Variants in CEP63 observed in about 807,000 individuals in gnomAD.
The protein encoded by CEP63 is centrosomal protein of 63 kDa.
CEP63 carries 84 observed loss-of-function variants against 89.1 expected under a neutral mutation model. The ratio of observed to expected loss-of-function variants is 0.94; its 90% CI spans 0.79 to 1.13. The LOEUF (loss-of-function observed/expected upper bound fraction) is 1.13. Among genes scored for constraint, CEP63 ranks in the 50% most tolerant of loss-of-function variants. CEP63 has a pLI of 0.00. For synonymous variants in CEP63, 267 were observed against 272.5 expected (o/e 0.98, Z 0.20); for missense variants, 838 against 813.3 (o/e 1.03, Z -0.37).
At chr3:134,514,047 AC>A (rs1163550924) in intron 3 of CEP63, among the ~76,000 whole-genome samples, 2 of 152,146 alleles carry the variant, frequency 1.3e-5, no homozygotes, top group Non-Finnish European at 2.9e-5. Context: ...ATAGAAATAG[AC>A]CCATGATAAA....
At chr3:134,546,699 A>G (rs1252819311) in intron 8 of CEP63, among the ~76,000 whole-genome samples, 1 of 152,172 alleles carries the variant, frequency 6.6e-6, no homozygotes, top group Non-Finnish European at 1.5e-5. Context: ...TTTATGTTTG[A>G]TCATATTGTG....
chr3:134,521,453 T>G (rs1234500081), intron 3 of CEP63, among the ~76,000 whole-genome samples: 1 of 152,102 alleles, frequency 6.6e-6, no homozygotes, highest in Non-Finnish European at 1.5e-5. Flanking sequence ...TGTTCCCCCG[T>G]TGGGCCTGGA....
chr3:134,777,721 C>T, the CEP63 span, among the ~76,000 whole-genome samples: 1 of 147,984 alleles, frequency 6.8e-6, no homozygotes, highest in Non-Finnish European at 1.5e-5. Context: ...TCAAGCAATT[C>T]TCCTGCCTCA....
At chr3:134,736,645 A>G in the CEP63 span, among the ~76,000 whole-genome samples, 1 of 152,202 alleles carries the variant, frequency 6.6e-6, no homozygotes, top group African/African-American at 2.4e-5. Context: ...AACTTTATTC[A>G]AAAACATTGA....
At chr3:134,603,024 G>A in the CEP63 span, 1 of 152,276 alleles carries the variant, frequency 6.6e-6, no homozygotes, top group Non-Finnish European at 1.5e-5. Flanking sequence ...AGCTAATGAA[G>A]AGGCAGCAGG....
the CEP63 span, chr3:134,780,494 G>A: frequency 6.6e-6 from 1 of 152,184 alleles, no homozygotes; most frequent in Non-Finnish European, 1.5e-5. Context: ...TGTAAGTGGA[G>A]ACATACAGCC....
chr3:134,621,879 A>C, the CEP63 span, among the ~76,000 whole-genome samples: 1 of 152,216 alleles, frequency 6.6e-6, no homozygotes. Context: ...AAACAAAACC[A>C]ACCCAATTCA....
Position 134,545,218 on chromosome 3 carries a change from C to T in CEP63, c.556-368C>T, listed in dbSNP as rs148601387. On this transcript the variant is annotated intron_variant, in intron 6 of 14. Transcript: ENST00000675561. The stretch of plus-strand genomic sequence containing the variant: ...TTCACCATGTTGGCAAGGATGGTCT[C>T]AATCTCCTGACCTCATGATCCGCCC... 4.6e-3 allele frequency among the ~76,000 whole-genome samples: 694 copies of T among 152,182 alleles called. 2 individuals are homozygous for T. Among genetic ancestry groups the T allele is most frequent in the African/African-American group, 0.016 (668 of 41,528 alleles).
intron 11 of CEP63, among the ~76,000 whole-genome samples, chr3:134,550,543 G>T (rs188145271): frequency 6.6e-6 from 1 of 152,242 alleles, no homozygotes; most frequent in East Asian, 1.9e-4. Flanking sequence ...CAGAAGGTGT[G>T]ATAGCAAAGC....
At chr3:134,671,218 G>A in the CEP63 span, among the ~76,000 whole-genome samples, 3 of 152,096 alleles carry the variant, frequency 2.0e-5, no homozygotes, top group African/African-American at 4.8e-5. Flanking sequence ...ATTATCCTAC[G>A]CGATCTAACT....
At chr3:134,707,949 G>T in the CEP63 span, among the ~76,000 whole-genome samples, 1 of 152,050 alleles carries the variant, frequency 6.6e-6, no homozygotes, top group African/African-American at 2.4e-5. Context: ...ATCCTCAAGG[G>T]CTCACGGTCT....
chr3:134,489,526 T>C (rs1163372923), intron 1 of CEP63, among the ~76,000 whole-genome samples: 1 of 152,042 alleles, frequency 6.6e-6, no homozygotes, highest in Non-Finnish European at 1.5e-5. Flanking sequence ...CATCCACCCA[T>C]AGTGAAATTC....
chr3:134,635,119 A>G, the CEP63 span, among the ~76,000 whole-genome samples: 1 of 152,246 alleles, frequency 6.6e-6, no homozygotes, highest in South Asian at 2.1e-4. Flanking sequence ...TAGCAGCTCT[A>G]TTCATAATCA....
chr3:134,574,998 T>C (rs1958163987), exon 12 of CEP63: 1 of 405,410 alleles, frequency 2.5e-6, no homozygotes, highest in African/African-American at 2.1e-5. Flanking sequence ...CAAATAAATA[T>C]TGTAAAGAAA....
chr3:134,608,241 A>G, the CEP63 span: 341 of 1,191,696 alleles, frequency 2.9e-4, no homozygotes, highest in Non-Finnish European at 3.3e-4. Flanking sequence ...CCCAGAGGCT[A>G]TGTGTAGCCA....
the CEP63 span, among the ~76,000 whole-genome samples, chr3:134,776,131 A>G: frequency 6.6e-6 from 1 of 152,330 alleles, no homozygotes; most frequent in Non-Finnish European, 1.5e-5. Context: ...GATACCATGC[A>G]CCGCAACCCA....
chr3:134,500,343 T>A (rs1941581540), intron 2 of CEP63, among the ~76,000 whole-genome samples: 1 of 152,212 alleles, frequency 6.6e-6, no homozygotes, highest in Admixed American at 6.5e-5. Flanking sequence ...CAGTCCACCA[T>A]CAATGGGTAC....
At chr3:134,553,462 A>G (rs187411677) in intron 12 of CEP63, 1 of 152,314 alleles carries the variant, frequency 6.6e-6, no homozygotes, top group Admixed American at 6.5e-5. Context: ...AAAATTCCCT[A>G]CAAAGATAAT....
the CEP63 span, chr3:134,779,904 C>T: frequency 6.6e-6 from 1 of 152,160 alleles, no homozygotes; most frequent in Non-Finnish European, 1.5e-5. Context: ...ACCTTTAAGC[C>T]ATTTATTGTT....
Sources: gnomAD v4.1 joint callset for allele counts (sites outside exome capture counted in the v4.1 genomes callset) on GRCh38, gnomAD v4.1.1 for gene constraint, MANE v1.5 for transcripts, NCBI Gene and HGNC (gene_info 2026-07-23, HGNC 2026-07-21) for gene names.